Variants in MINDY4 observed in about 807,000 individuals in gnomAD.
MINDY4 encodes the protein probable ubiquitin carboxyl-terminal hydrolase MINDY-4.
Under a neutral mutation model 87.0 loss-of-function variants are expected in MINDY4, and 68 were observed. That is an observed-to-expected ratio of 0.78 (90% confidence interval 0.64 to 0.96). MINDY4 has a LOEUF of 0.96. MINDY4 is among the 40% of genes least tolerant of loss of function. The probability of loss-of-function intolerance (pLI) is 0.00; values close to 1 mark genes in which losing one functional copy is unlikely to be tolerated. For synonymous variants in MINDY4, 379 were observed against 363.2 expected, an observed-to-expected ratio of 1.04 and a Z score of -0.50; for missense variants, 919 against 928.2, an observed-to-expected ratio of 0.99 and a Z score of 0.13.
chr7:30,784,776 G>A lies in MINDY4; in HGVS notation c.420-973G>A, dbSNP rs535547350. 2.7e-3 allele frequency among the ~76,000 whole-genome samples: 410 copies of A among 152,140 alleles called. 3 individuals are homozygous for A. The highest frequency in any genetic ancestry group is 2.6e-3 in the Non-Finnish European group (175 of 68,004). ...CAGCCTCTTCTCTGCCTGACATGCC[G>A]CAATCACAAGGCTGGTTCCAGCCTC... On this transcript the variant is annotated intron_variant, in intron 3 of 17. Coordinates refer to ENST00000265299, the MANE Select transcript of MINDY4 (RefSeq NM_032222.3).
At chr7:30,839,050 T>C in intron 7 of MINDY4, 150 bp from the exon 8 acceptor site, 1 of 535,676 alleles carries the variant, frequency 1.9e-6, no homozygotes, top group African/African-American at 1.9e-5. Context: ...AGAATGAGCC[T>C]GAAAAATAAA....
chr7:30,854,333 C>T (rs1789508379), intron 12 of MINDY4, among the ~76,000 whole-genome samples: 1 of 152,190 alleles, frequency 6.6e-6, no homozygotes, highest in African/African-American at 2.4e-5. Context: ...GCTTGATGTT[C>T]TCAGTAGTTG....
At chr7:30,794,056 G>A (rs1011566417) in intron 5 of MINDY4, among the ~76,000 whole-genome samples, 4 of 152,172 alleles carry the variant, frequency 2.6e-5, no homozygotes, top group African/African-American at 9.7e-5. Flanking sequence ...TGGAATATGG[G>A]CTGGATTTCA....
chr7:30,873,802 C>T (rs1376298444), intron 14 of MINDY4, among the ~76,000 whole-genome samples: 1 of 152,210 alleles, frequency 6.6e-6, no homozygotes, highest in Non-Finnish European at 1.5e-5. Context: ...AAAACTCGAA[C>T]TTGCCTGAAA....
At chr7:30,831,293 G>A (rs1788692485) in intron 6 of MINDY4, among the ~76,000 whole-genome samples, 1 of 152,034 alleles carries the variant, frequency 6.6e-6, no homozygotes, top group Non-Finnish European at 1.5e-5. Context: ...TCCTTTTTCA[G>A]CACTTACTAG....
intron 6 of MINDY4, among the ~76,000 whole-genome samples, chr7:30,831,975 A>G (rs1788717354): frequency 6.6e-6 from 1 of 152,076 alleles, no homozygotes; most frequent in Non-Finnish European, 1.5e-5. Context: ...TTCCTGGCCA[A>G]CATGTCGTTC....
intron 2 of MINDY4, among the ~76,000 whole-genome samples, 183 bp downstream of exon 2, chr7:30,778,734 C>T (rs778688648): frequency 8.5e-5 from 13 of 152,288 alleles, no homozygotes; most frequent in South Asian, 2.1e-4. Flanking sequence ...TTTTCCATCT[C>T]GGTCAGCTGG....
At chr7:30,810,406 G>A (rs1787953898) in intron 5 of MINDY4, among the ~76,000 whole-genome samples, 1 of 150,008 alleles carries the variant, frequency 6.7e-6, no homozygotes, top group African/African-American at 2.4e-5. Context: ...TTTGGTAAAA[G>A]GATTATAAGG....
intron 13 of MINDY4, among the ~76,000 whole-genome samples, chr7:30,861,318 T>C (rs1789759926): frequency 6.6e-6 from 1 of 152,240 alleles, no homozygotes; most frequent in African/African-American, 2.4e-5. Flanking sequence ...AAGCTTCCCA[T>C]GTGCCAGGCC....
At chr7:30,868,975 T>G (rs1437376954) in intron 13 of MINDY4, among the ~76,000 whole-genome samples, 2 of 152,160 alleles carry the variant, frequency 1.3e-5, no homozygotes, top group Non-Finnish European at 2.9e-5. Flanking sequence ...CACCCCCTGG[T>G]CAAGCCCATC....
intron 5 of MINDY4, among the ~76,000 whole-genome samples, chr7:30,816,157 A>G (rs1280170677): frequency 2.0e-5 from 3 of 151,676 alleles, no homozygotes; most frequent in Admixed American, 6.6e-5. Context: ...CAGAGGGAGC[A>G]TCCATTGAAT....
intron 5 of MINDY4, 109 bp downstream of exon 5, chr7:30,791,683 T>A: frequency 4.1e-6 from 5 of 1,211,290 alleles, no homozygotes; most frequent in African/African-American, 1.5e-5. Flanking sequence ...CCTTGGTCTC[T>A]CAGAACAAGC....
At chr7:30,824,860 T>G (rs1266264845) in intron 5 of MINDY4, among the ~76,000 whole-genome samples, 1 of 152,174 alleles carries the variant, frequency 6.6e-6, no homozygotes, top group Non-Finnish European at 1.5e-5. Flanking sequence ...ACACCTTGCT[T>G]CTTCTCTGTT....
intron 15 of MINDY4, 23 bp from the exon 16 acceptor site, chr7:30,882,158 C>T: frequency 1.3e-6 from 2 of 1,586,716 alleles, no homozygotes; most frequent in Non-Finnish European, 8.6e-7. Context: ...CGGCATTTCA[C>T]ATCAGGCCTC....
intron 5 of MINDY4, among the ~76,000 whole-genome samples, chr7:30,814,912 G>C (rs1178051340): frequency 6.6e-6 from 1 of 152,178 alleles, no homozygotes; most frequent in Non-Finnish European, 1.5e-5. Context: ...GCTTACGCAG[G>C]GGAATGCCTT....
chr7:30,850,351 C>T (rs1021039212), intron 9 of MINDY4, 103 bp from the exon 10 acceptor site: 4 of 1,073,768 alleles, frequency 3.7e-6, no homozygotes, highest in African/African-American at 1.6e-5. Context: ...AGAGAAAGAA[C>T]AGGCCATCTG....
At position 30,887,541 on chromosome 7, in the gene MINDY4, G is replaced by T. The variant is rs867010491; in HGVS notation, c.2226-4416G>T. ...AAGTTGGGCCAGGGCTCAGGAGCAG[G>T]CAGAGAGGAGAGTGCAAGGCAGGGC... On this transcript the variant is annotated intron_variant, in intron 17 of 17. Coordinates refer to ENST00000265299, the MANE Select transcript of MINDY4 (RefSeq NM_032222.3). 2.6e-5 allele frequency among the ~76,000 whole-genome samples: 4 copies of T among 152,258 alleles called. No homozygotes were observed. In the South Asian group the frequency reaches 8.3e-4, roughly 31 times the overall value.
At chr7:30,783,660 T>A (rs921339680) in intron 3 of MINDY4, among the ~76,000 whole-genome samples, 2 of 152,236 alleles carry the variant, frequency 1.3e-5, no homozygotes, top group African/African-American at 4.8e-5. Flanking sequence ...CCACGCTTTG[T>A]GTTTTCAAAA....
chr7:30,826,486 G>C (rs536901631), intron 5 of MINDY4, among the ~76,000 whole-genome samples: 26 of 152,324 alleles, frequency 1.7e-4, no homozygotes, highest in Non-Finnish European at 3.2e-4. Context: ...GGAATGAGCA[G>C]CTTATGAAAA....
Sources: allele counts gnomAD v4.1 joint callset (sites outside exome capture counted in the v4.1 genomes callset), GRCh38; gene constraint gnomAD v4.1.1; transcripts MANE v1.5; gene names NCBI Gene and HGNC (gene_info 2026-07-23, HGNC 2026-07-21).